Variants in UCK2 observed in about 807,000 individuals in gnomAD.
UCK2 encodes cytidine monophosphokinase 2.
UCK2 carries 6 observed loss-of-function variants against 30.8 expected under a neutral mutation model. That is an observed-to-expected ratio of 0.19 (90% CI 0.11 to 0.38). The LOEUF (loss-of-function observed/expected upper bound fraction) is 0.38, where lower values mean the gene tolerates loss of function less well. UCK2 is among the 10% of genes least tolerant of loss of function. The pLI is 1.00. For synonymous variants in UCK2, 125 were observed against 133.6 expected (o/e 0.94, Z 0.45); for missense variants, 210 against 339.8 (o/e 0.62, Z 3.00).
chr1:165,842,959 G>T (rs1654366989), intron 1 of UCK2, among the ~76,000 whole-genome samples: 1 of 152,190 alleles, frequency 6.6e-6, no homozygotes, highest in African/African-American at 2.4e-5. Flanking sequence ...TGTTGATGCT[G>T]CTGCTTCTGA....
chr1:165,901,679 G>A (rs72701908), intron 4 of UCK2, among the ~76,000 whole-genome samples: 357 of 152,276 alleles, frequency 2.3e-3, no homozygotes, highest in Non-Finnish European at 3.8e-3. Context: ...GATTAAGATA[G>A]CATTTAAAAT....
chr1:165,895,995 C>T lies in UCK2; in HGVS notation c.357-195C>T, dbSNP rs1190819425. On this transcript the variant is annotated intron_variant, in intron 3 of 6. Transcript: ENST00000367879. Reference sequence around the variant, plus strand: ...TGGTCAAAGGAGACCTTTGTCCCGGCCGTGATCACCCTTGGCTCTTTGGTG... The same window carrying T: ...TGGTCAAAGGAGACCTTTGTCCCGGTCGTGATCACCCTTGGCTCTTTGGTG... 4 of 646,928 alleles carry T rather than the reference C, an allele frequency of 6.2e-6. No homozygotes were observed. In the East Asian group the frequency reaches 8.1e-5, roughly 13 times the overall value. 40.1% of individuals were successfully genotyped at this position (646,928 alleles called of 1,614,324 possible). A position where few individuals can be genotyped will look rare whatever the true frequency, so the allele number is the denominator to read the frequency against.
intron 1 of UCK2, among the ~76,000 whole-genome samples, chr1:165,852,277 A>G (rs1408034347): frequency 6.6e-6 from 1 of 152,238 alleles, no homozygotes; most frequent in Non-Finnish European, 1.5e-5. Flanking sequence ...ATCAGAATGA[A>G]CAGGCAACCT....
At chr1:165,862,083 G>A (rs1180390922) in intron 1 of UCK2, among the ~76,000 whole-genome samples, 1 of 152,054 alleles carries the variant, frequency 6.6e-6, no homozygotes, top group Non-Finnish European at 1.5e-5. Flanking sequence ...TTGGTAGAAG[G>A]GTGCTAAATC....
At chr1:165,868,086 G>A (rs1225621703) in intron 1 of UCK2, among the ~76,000 whole-genome samples, 1 of 152,164 alleles carries the variant, frequency 6.6e-6, no homozygotes, top group Non-Finnish European at 1.5e-5. Context: ...AGAGCTCTTG[G>A]GTGACTAGGT....
Position 165,828,033 on chromosome 1 carries a change from G to C in UCK2, c.99+101G>C, listed in dbSNP as rs955054018. 18 of 930,168 alleles carry C rather than the reference G, an allele frequency of 1.9e-5. No homozygotes were observed. In the African/African-American group the frequency reaches 2.6e-4, roughly 14 times the overall value. The allele number at this position is 930,168 out of a possible 1,614,324, so 57.6% of individuals were successfully genotyped here. On this transcript the variant is annotated intron_variant, in intron 1 of 6. Transcript: ENST00000367879. ...CCGTGTCAGTTGCGGCAGCCACCGCGTGGCCCGCGCGCCTCCGCTCCCGGC... is the reference window on the plus strand; with the variant it reads ...CCGTGTCAGTTGCGGCAGCCACCGCCTGGCCCGCGCGCCTCCGCTCCCGGC...
intron 4 of UCK2, among the ~76,000 whole-genome samples, chr1:165,898,322 G>A (rs1458904660): frequency 6.6e-6 from 1 of 152,196 alleles, no homozygotes; most frequent in Admixed American, 6.5e-5. Context: ...GTGGTCTTAT[G>A]ATTGGTACTT....
intron 1 of UCK2, among the ~76,000 whole-genome samples, chr1:165,882,596 C>A (rs542440760): frequency 4.5e-4 from 69 of 152,212 alleles, no homozygotes; most frequent in African/African-American, 1.6e-3. Context: ...TGGTGAGGGC[C>A]GCTGTCTGCT....
At chr1:165,882,499 T>C (rs138797742) in intron 1 of UCK2, among the ~76,000 whole-genome samples, 11 of 152,306 alleles carry the variant, frequency 7.2e-5, no homozygotes, top group Admixed American at 6.5e-5. Context: ...TACCTGACAC[T>C]GTGTGATTCA....
intron 2 of UCK2, chr1:165,890,895 G>A (rs1206603997): frequency 6.7e-6 from 2 of 298,020 alleles, no homozygotes; most frequent in Non-Finnish European, 1.3e-5. Flanking sequence ...CCCCAGTCAT[G>A]GGTTTGCTTT....
intron 1 of UCK2, among the ~76,000 whole-genome samples, chr1:165,859,374 G>A (rs1206780539): frequency 1.3e-5 from 2 of 152,210 alleles, no homozygotes; most frequent in African/African-American, 4.8e-5. Context: ...CTGGTCCTCC[G>A]CTGGTGTCTG....
chr1:165,871,534 C>T (rs1029837503), intron 1 of UCK2, among the ~76,000 whole-genome samples: 6 of 152,154 alleles, frequency 3.9e-5, no homozygotes, highest in East Asian at 1.9e-4. Flanking sequence ...ATTTCCTCTT[C>T]GGTTATTTGC....
chr1:165,838,214 T>TCCCTC (rs983177154), intron 1 of UCK2, among the ~76,000 whole-genome samples: 4 of 152,212 alleles, frequency 2.6e-5, no homozygotes, highest in African/African-American at 9.7e-5. Context: ...CTGACCCATC[T>TCCCTC]CCCTCTTCTT....
intron 3 of UCK2, chr1:165,891,648 G>A (rs891290085): frequency 2.0e-5 from 5 of 253,850 alleles, no homozygotes; most frequent in Admixed American, 5.0e-5. Context: ...GGAACAAGAT[G>A]TAAGGGGAGG....
intron 1 of UCK2, among the ~76,000 whole-genome samples, chr1:165,858,702 C>T (rs1017208520): frequency 5.9e-5 from 9 of 152,158 alleles, no homozygotes; most frequent in Non-Finnish European, 4.4e-5. Flanking sequence ...GGGAGAGTTG[C>T]AGCAACTTCT....
intron 1 of UCK2, among the ~76,000 whole-genome samples, chr1:165,835,666 T>C (rs929630640): frequency 6.6e-6 from 1 of 152,234 alleles, no homozygotes; most frequent in African/African-American, 2.4e-5. Flanking sequence ...CCTATTGTCA[T>C]ACATTTTAAA....
intron 1 of UCK2, among the ~76,000 whole-genome samples, chr1:165,848,660 CCACACACA>C: frequency 6.8e-6 from 1 of 147,998 alleles, no homozygotes; most frequent in Non-Finnish European, 1.5e-5. Context: ...ACACACACAC[CCACACACA>C]CACACACACC....
chr1:165,860,642 G>A (rs1557838224), intron 1 of UCK2, among the ~76,000 whole-genome samples: 1 of 152,102 alleles, frequency 6.6e-6, no homozygotes, highest in Non-Finnish European at 1.5e-5. Flanking sequence ...TAGAGACAGA[G>A]TTTCAACATG....
At chr1:165,859,394 A>T (rs893182886) in intron 1 of UCK2, among the ~76,000 whole-genome samples, 3 of 152,114 alleles carry the variant, frequency 2.0e-5, no homozygotes, top group Admixed American at 6.5e-5. Context: ...GAGTTGGTTA[A>T]CCTTAACTGA....
Sources: gnomAD v4.1 joint callset for allele counts (sites outside exome capture counted in the v4.1 genomes callset) on GRCh38, gnomAD v4.1.1 for gene constraint, MANE v1.5 for transcripts, NCBI Gene and HGNC (gene_info 2026-07-23, HGNC 2026-07-21) for gene names.